ATRNL1: variants seen among roughly 807,000 people sequenced by gnomAD.
ATRNL1 encodes attractin like 1, also known as attractin-like protein 1.
In ATRNL1, 95 loss-of-function variants were observed where a neutral mutation model predicts 182.7. The ratio of observed to expected loss-of-function variants is 0.52; its 90% CI spans 0.44 to 0.62. ATRNL1 has a LOEUF of 0.62. Ranked by LOEUF, ATRNL1 falls within the 20% of genes least tolerant of loss-of-function variation. ATRNL1 has a pLI of 0.00. For synonymous variants in ATRNL1, 576 were observed against 568.3 expected, an observed-to-expected ratio of 1.01 and a Z score of -0.19; for missense variants, 1,471 against 1,679.5, an observed-to-expected ratio of 0.88 and a Z score of 2.17.
intron 26 of ATRNL1, among the ~76,000 whole-genome samples, chr10:115,578,751 G>A (rs1055826072): frequency 6.6e-6 from 1 of 151,294 alleles, no homozygotes; most frequent in Non-Finnish European, 1.5e-5. Flanking sequence ...GTCTTTATTA[G>A]TTTCTTCATT....
chr10:115,265,076 T>C (rs1851550296), intron 10 of ATRNL1, 117 bp from the exon 11 acceptor site: 4 of 520,400 alleles, frequency 7.7e-6, no homozygotes, highest in Non-Finnish European at 9.9e-6. Flanking sequence ...GAGAATTTTT[T>C]TTTTGCTTCC....
At chr10:115,145,172 T>TA (rs1262333905) in intron 5 of ATRNL1, among the ~76,000 whole-genome samples, 9 of 152,202 alleles carry the variant, frequency 5.9e-5, no homozygotes, top group Non-Finnish European at 1.0e-4. Flanking sequence ...CATATTTTGA[T>TA]AATACCAGGA....
chr10:115,259,340 C>CT (rs1851298946), intron 10 of ATRNL1, among the ~76,000 whole-genome samples: 1 of 152,146 alleles, frequency 6.6e-6, no homozygotes, highest in South Asian at 2.1e-4. Flanking sequence ...ATGCACCCCC[C>CT]AGCCAGGCCG....
chr10:115,448,131 G>A (rs1391317223), intron 21 of ATRNL1, among the ~76,000 whole-genome samples: 1 of 151,918 alleles, frequency 6.6e-6, no homozygotes, highest in Non-Finnish European at 1.5e-5. Context: ...TAGTTTTAAT[G>A]TAATAAATTC....
chr10:115,768,681 T>C (rs577076615), intron 27 of ATRNL1, among the ~76,000 whole-genome samples: 10 of 152,282 alleles, frequency 6.6e-5, no homozygotes, highest in African/African-American at 2.2e-4. Flanking sequence ...TAGGTGTTTC[T>C]TCCTCCTAAC....
chr10:115,459,718 A>G (rs1307921769), intron 21 of ATRNL1, among the ~76,000 whole-genome samples: 1 of 152,076 alleles, frequency 6.6e-6, no homozygotes, highest in East Asian at 1.9e-4. Flanking sequence ...TACGCTGTTA[A>G]GTACTTGATG....
intron 28 of ATRNL1, among the ~76,000 whole-genome samples, chr10:115,930,163 G>A (rs1195471104): frequency 6.6e-6 from 1 of 152,096 alleles, no homozygotes; most frequent in South Asian, 2.1e-4. Flanking sequence ...GACATTGTAT[G>A]CCTTGTTTAT....
intron 27 of ATRNL1, among the ~76,000 whole-genome samples, chr10:115,806,246 T>C (rs1167166415): frequency 1.3e-5 from 2 of 152,170 alleles, no homozygotes; most frequent in Non-Finnish European, 2.9e-5. Context: ...TAAGGAAAGA[T>C]GTGGATTTTA....
chr10:115,293,522 T>A (rs782216701), intron 15 of ATRNL1, among the ~76,000 whole-genome samples: 3 of 152,190 alleles, frequency 2.0e-5, no homozygotes, highest in African/African-American at 4.8e-5. Flanking sequence ...TTTTATTTCT[T>A]TCTCTTTCTC....
At chr10:115,632,864 T>TTTTATTTTATTTTATTTTA in intron 26 of ATRNL1, among the ~76,000 whole-genome samples, 1 of 136,570 alleles carries the variant, frequency 7.3e-6, no homozygotes, top group East Asian at 2.4e-4. Context: ...TCACATTAAC[T>TTTTATTTTATTTTATTTTA]TTTTATTTTA....
intron 26 of ATRNL1, among the ~76,000 whole-genome samples, chr10:115,571,338 G>A: frequency 6.6e-6 from 1 of 152,136 alleles, no homozygotes; most frequent in East Asian, 1.9e-4. Flanking sequence ...TCTTTGATCT[G>A]CCACACATTT....
chr10:115,102,536 C>G (rs1418392531), intron 1 of ATRNL1, among the ~76,000 whole-genome samples: 1 of 152,022 alleles, frequency 6.6e-6, no homozygotes, highest in Non-Finnish European at 1.5e-5. Context: ...CTCTGCTCGT[C>G]AGGTTCAAGC....
chr10:115,203,094 G>A (rs1554892892), intron 8 of ATRNL1, among the ~76,000 whole-genome samples: 2 of 152,080 alleles, frequency 1.3e-5, no homozygotes, highest in African/African-American at 4.8e-5. Flanking sequence ...AGAATAGCTT[G>A]GTCATTGTGG....
chr10:115,107,390 A>G (rs2143492353), intron 1 of ATRNL1, among the ~76,000 whole-genome samples: 1 of 152,366 alleles, frequency 6.6e-6, no homozygotes, highest in Non-Finnish European at 1.5e-5. Flanking sequence ...ACAATGTTAA[A>G]TCTGAAAGCT....
At chr10:115,095,692 TGTTA>T (rs1361026901) in intron 1 of ATRNL1, among the ~76,000 whole-genome samples, 14 of 152,186 alleles carry the variant, frequency 9.2e-5, no homozygotes, top group South Asian at 4.1e-4. Context: ...GAATTCTGCT[TGTTA>T]GTTGTTTTTT....
At chr10:115,581,643 G>C (rs192845314) in intron 26 of ATRNL1, among the ~76,000 whole-genome samples, 49 of 152,160 alleles carry the variant, frequency 3.2e-4, no homozygotes, top group African/African-American at 1.0e-3. Context: ...TAAAGTAGTG[G>C]ATAATAATCA....
At chr10:115,531,604 T>G (rs1851587212) in intron 25 of ATRNL1, among the ~76,000 whole-genome samples, 2 of 150,692 alleles carry the variant, frequency 1.3e-5, no homozygotes, top group South Asian at 4.3e-4. Flanking sequence ...TGGTAGTTTC[T>G]TTTGCTGTGC....
At chr10:115,628,514 CG>C (rs1555025356) in intron 26 of ATRNL1, among the ~76,000 whole-genome samples, 1 of 150,044 alleles carries the variant, frequency 6.7e-6, no homozygotes, top group African/African-American at 2.5e-5. Context: ...TATTTTCTCC[CG>C]TTCTATAGAT....
chr10:115,229,027 G>A (rs1849817816), intron 9 of ATRNL1, among the ~76,000 whole-genome samples: 2 of 151,866 alleles, frequency 1.3e-5, no homozygotes, highest in East Asian at 1.9e-4. Context: ...TCGACCTCCT[G>A]TAGTGCTGAG....
Sources: gnomAD v4.1 joint callset for allele counts (sites outside exome capture counted in the v4.1 genomes callset) on GRCh38, gnomAD v4.1.1 for gene constraint, MANE v1.5 for transcripts, NCBI Gene and HGNC (gene_info 2026-07-23, HGNC 2026-07-21) for gene names.